Variants in PCBP4 observed in about 807,000 individuals in gnomAD.
PCBP4 encodes poly(rC) binding protein 4, also known as poly(rC)-binding protein 4.
PCBP4 carries 24 observed loss-of-function variants against 46.2 expected under a neutral mutation model. That is an observed-to-expected ratio of 0.52 (90% CI 0.38 to 0.73). PCBP4 has a LOEUF of 0.73. Ranked by LOEUF, PCBP4 falls within the 30% of genes least tolerant of loss-of-function variation. The pLI, the probability that PCBP4 is intolerant of heterozygous loss-of-function variation, is 0.00. For synonymous variants in PCBP4, 203 were observed against 224.4 expected (o/e 0.90, Z 0.85); for missense variants, 407 against 537.0 (o/e 0.76, Z 2.39).
chr3:51,963,732 T>A (rs1700285601), intron 1 of PCBP4, among the ~76,000 whole-genome samples: 1 of 152,150 alleles, frequency 6.6e-6, no homozygotes, highest in Admixed American at 6.5e-5. Context: ...CCCACCTGTA[T>A]TGTGTTTAGG....
chr3:51,959,089 G>A lies in PCBP4; in HGVS notation c.711C>T (p.Pro237=), dbSNP rs200342473. The A allele has an allele frequency of 2.9e-5, 47 of 1,613,842 alleles. No individual in the cohort carries two copies. Among genetic ancestry groups the A allele is most frequent in the Middle Eastern group, 3.3e-4 (2 of 6,058 alleles). ...ACTCCTGTGAGCTGGTCTGTGTGCCGGGATCCAGTCCTGAGGGGGAGAAGA... is the reference window on the plus strand; with the variant it reads ...ACTCCTGTGAGCTGGTCTGTGTGCCAGGATCCAGTCCTGAGGGGGAGAAGA... ...ATPSVVPGLD[P]GTQTSSQEFL... The change falls in exon 12 of 14, where the codon CCC becomes CCT. Residue 237 remains proline (P), a synonymous_variant. Coordinates refer to ENST00000461554, the MANE Select transcript of PCBP4 (RefSeq NM_001174100.2). The surrounding 1 kb of genome is among the most constrained non-coding windows in gnomAD (Gnocchi z 5.6).
In PCBP4 at chr3:51,958,668, A is replaced by G; in HGVS notation, c.923+122T>C. ...GACCATGGGGAATTGGAGTAGGGTT[A>G]GGAGAGGCAGAGGTCGGGCCCAGAC... On this transcript the variant is annotated intron_variant, in intron 13 of 13. Coordinates refer to ENST00000461554, the MANE Select transcript of PCBP4 (RefSeq NM_001174100.2). The surrounding 1 kb of genome is among the most constrained non-coding windows in gnomAD (Gnocchi z 5.4). 9.1e-7 allele frequency: 1 copy of G among 1,096,160 alleles called. No homozygotes were observed. Among genetic ancestry groups the G allele is most frequent in the Non-Finnish European group, 1.3e-6 (1 of 772,930 alleles). The allele number at this position is 1,096,160 out of a possible 1,614,324, so 67.9% of individuals were successfully genotyped here. A position where few individuals can be genotyped will look rare whatever the true frequency, so the allele number is the denominator to read the frequency against.
Position 51,959,094 on chromosome 3 carries a change from C to A in PCBP4, c.706G>T (p.Asp236Tyr). The change falls in exon 12 of 14, where the codon GAT becomes TAT. Residue 236 changes from aspartate to tyrosine, a missense_variant. Asp to Tyr is a radical substitution (Grantham distance 160). Transcript: ENST00000461554. This position sits in a 1 kb window ranked among gnomAD's most constrained non-coding sequence, Gnocchi z 5.6. Reference sequence around the variant, plus strand: ...TGTGAGCTGGTCTGTGTGCCGGGATCCAGTCCTGAGGGGGAGAAGAGGGAC... The same window carrying A: ...TGTGAGCTGGTCTGTGTGCCGGGATACAGTCCTGAGGGGGAGAAGAGGGAC... ...FATPSVVPGL[D>Y]PGTQTSSQEF... The A allele has an allele frequency of 6.2e-7, 1 of 1,613,864 alleles. No individual in the cohort carries two copies. The highest frequency in any genetic ancestry group is 8.5e-7 in the Non-Finnish European group (1 of 1,179,950).
intron 1 of PCBP4, among the ~76,000 whole-genome samples, chr3:51,966,119 C>T (rs377710155): frequency 8.5e-5 from 13 of 152,328 alleles, no homozygotes; most frequent in Middle Eastern, 3.4e-3. Context: ...AAGATGTCAG[C>T]GCCACTGGGC....
In PCBP4 at chr3:51,960,290, T is replaced by C. The variant is rs150362720; in HGVS notation, c.286A>G (p.Asn96Asp). ...DLCAAPANGG[N>D]VSRPPVTLRL... ...AGGGTCACTGGAGGCCTGGAGACAT[T>C]TCCACCATTTGCAGGAGCAGCACAA... Residue 96 changes from asparagine to aspartate, a missense_variant, in exon 7 of 14, where the codon AAT becomes GAT. Transcript: ENST00000461554. This position sits in a 1 kb window ranked among gnomAD's most constrained non-coding sequence, Gnocchi z 5.0. 22 of 1,613,866 alleles carry C rather than the reference T, an allele frequency of 1.4e-5. No individual in the cohort carries two copies. In the African/African-American group the frequency reaches 2.8e-4, roughly 21 times the overall value.
intron 1 of PCBP4, among the ~76,000 whole-genome samples, chr3:51,964,126 TC>T (rs1190244857): frequency 6.6e-6 from 1 of 152,130 alleles, no homozygotes; most frequent in Non-Finnish European, 1.5e-5. Flanking sequence ...CCCTCCTGAC[TC>T]CCAGGCCCCC....
In PCBP4 at chr3:51,961,187, G is replaced by A; in HGVS notation, c.54C>T (p.Leu18=). ...LEEEPELSIT[L]TLRMLMHGKE... ...TCCCGTGCATCAGCATCCGCAGCGT[G>A]AGGGTGATGCTGAGCTCTGGCTCCT... The change falls in exon 3 of 14, where the codon CTC becomes CTT. Residue 18 remains leucine (L), a synonymous_variant. Transcript: ENST00000461554. The A allele has an allele frequency of 3.7e-6, 6 of 1,613,588 alleles. No individual in the cohort carries two copies. The highest frequency in any genetic ancestry group is 5.1e-6 in the Non-Finnish European group (6 of 1,180,026).
chr3:51,959,455 C>A lies in PCBP4; in HGVS notation c.592-44G>T. 1.3e-6 allele frequency: 2 copies of A among 1,564,314 alleles called. No individual in the cohort carries two copies. Among genetic ancestry groups the A allele is most frequent in the South Asian group, 2.4e-5 (2 of 83,902 alleles). On this transcript the variant is annotated intron_variant, in intron 9 of 13. Coordinates refer to ENST00000461554, the MANE Select transcript of PCBP4 (RefSeq NM_001174100.2). The surrounding 1 kb of genome is among the most constrained non-coding windows in gnomAD (Gnocchi z 5.6). ...TGAAAAGGGGGTTACTGTGACATTG[C>A]AGTTCAGCCAGAGTCACTCCTTCCC...
At position 51,959,108 on chromosome 3, in the gene PCBP4, G is replaced by C. The variant is rs1472520051; in HGVS notation, c.701-9C>G. The C allele has an allele frequency of 1.9e-6, 3 of 1,613,848 alleles. No individual in the cohort carries two copies. Among genetic ancestry groups the C allele is most frequent in the Non-Finnish European group, 2.5e-6 (3 of 1,179,880 alleles). The stretch of plus-strand genomic sequence containing the variant: ...TGTGCCGGGATCCAGTCCTGAGGGG[G>C]AGAAGAGGGACTGAGTGTGGTTCTG... On this transcript the variant is annotated splice_polypyrimidine_tract_variant and intron_variant, in intron 11 of 13. Transcript: ENST00000461554. This position sits in a 1 kb window ranked among gnomAD's most constrained non-coding sequence, Gnocchi z 5.6.
chr3:51,958,911 G>T lies in PCBP4; in HGVS notation c.802C>A (p.Arg268=). The T allele has an allele frequency of 1.2e-6, 2 of 1,613,928 alleles. No individual in the cohort carries two copies. The highest frequency in any genetic ancestry group is 2.2e-5 in the East Asian group (1 of 44,864). The change falls in exon 13 of 14, where the codon CGG becomes AGG. Residue 268 remains arginine (R), a synonymous_variant. Transcript: ENST00000461554. This position sits in a 1 kb window ranked among gnomAD's most constrained non-coding sequence, Gnocchi z 5.4. ...GRQGSKISEI[R]QMSGAHIKIG... is the part of the protein sequence containing the mutation. ...TTGATATGTGCCCCTGACATCTGCC[G>T]GATCTCGCTGATCTTGCTGCCCTGG...
Position 51,960,151 on chromosome 3 carries a change from C to G in PCBP4, c.387+38G>C. On this transcript the variant is annotated intron_variant, in intron 7 of 13. Coordinates refer to ENST00000461554, the MANE Select transcript of PCBP4 (RefSeq NM_001174100.2). The surrounding 1 kb of genome is among the most constrained non-coding windows in gnomAD (Gnocchi z 5.0). ...CACCCCTCTTACAACTGCTCCCTTG[C>G]CCCGGATTCCCTGTGGGTGGTATAT... The G allele has an allele frequency of 6.2e-7, 1 of 1,614,150 alleles. No individual in the cohort carries two copies. The highest frequency in any genetic ancestry group is 1.1e-5 in the South Asian group (1 of 91,092).
Position 51,958,421 on chromosome 3 carries a change from G to A in PCBP4, c.924-72C>T. 9.4e-7 allele frequency: 1 copy of A among 1,059,318 alleles called. No homozygotes were observed. Among genetic ancestry groups the A allele is most frequent in the Middle Eastern group, 2.1e-4 (1 of 4,686 alleles). The allele number at this position is 1,059,318 out of a possible 1,614,324, so 65.6% of individuals were successfully genotyped here. On this transcript the variant is annotated intron_variant, in intron 13 of 13. Coordinates refer to ENST00000461554, the MANE Select transcript of PCBP4 (RefSeq NM_001174100.2). This position sits in a 1 kb window ranked among gnomAD's most constrained non-coding sequence, Gnocchi z 5.4. ...AGAGAGGGGCAATGAGGGCAGAGAT[G>A]GGCATGAGATTAGATGAAAGGCAAG...
intron 1 of PCBP4, among the ~76,000 whole-genome samples, chr3:51,966,678 G>A (rs1289701808): frequency 6.6e-6 from 1 of 152,084 alleles, no homozygotes; most frequent in Non-Finnish European, 1.5e-5. Context: ...GGGGCCGGGT[G>A]GGGCACTGGG....
chr3:51,961,546 C>G (rs897903443), intron 2 of PCBP4: 12 of 499,260 alleles, frequency 2.4e-5, no homozygotes, highest in Non-Finnish European at 4.1e-5. Flanking sequence ...GATACAAATT[C>G]CCATCTCCAA....
chr3:51,959,850 C>T lies in PCBP4; in HGVS notation c.516+45G>A, dbSNP rs370485266. ...TTTGGGGTCCCCGACAAGGCAGACC[C>T]AGGGCCCATCTCCTGCCCCCTCTCT... On this transcript the variant is annotated intron_variant, in intron 8 of 13. Coordinates refer to ENST00000461554, the MANE Select transcript of PCBP4 (RefSeq NM_001174100.2). This position sits in a 1 kb window ranked among gnomAD's most constrained non-coding sequence, Gnocchi z 5.6. The T allele has an allele frequency of 6.4e-7, 1 of 1,558,504 alleles. No individual in the cohort carries two copies. The highest frequency in any genetic ancestry group is 2.2e-5 in the East Asian group (1 of 44,540).
Position 51,957,855 on chromosome 3 carries a change from G to A in PCBP4, c.*206C>T. 2.2e-6 allele frequency: 1 copy of A among 456,352 alleles called. No homozygotes were observed. The highest frequency in any genetic ancestry group is 4.4e-5 in the South Asian group (1 of 22,498). The allele number at this position is 456,352 out of a possible 1,614,324, so 28.3% of individuals were successfully genotyped here. On this transcript the variant is annotated 3_prime_UTR_variant, in exon 14 of 14. Coordinates refer to ENST00000461554, the MANE Select transcript of PCBP4 (RefSeq NM_001174100.2). ...AGGTAGGGCCCCCTGCCCTGGGGCTGCCGCAGCTCAGACCCCTGGGCCAGA... is the reference window on the plus strand; with the variant it reads ...AGGTAGGGCCCCCTGCCCTGGGGCTACCGCAGCTCAGACCCCTGGGCCAGA...
rs1363868191 is a variant in PCBP4 at position 51,958,302 on chromosome 3, G to A, written c.971C>T (p.Pro324Leu). 9 of 1,542,566 alleles carry A rather than the reference G, an allele frequency of 5.8e-6. No homozygotes were observed. Among genetic ancestry groups the A allele is most frequent in the Admixed American group, 2.1e-5 (1 of 47,802 alleles). The change falls in exon 14 of 14, where the codon CCC becomes CTC. Residue 324 changes from proline (P) to leucine (L), a missense_variant. Physicochemically the swap from Pro to Leu is moderately conservative, Grantham distance 98. Coordinates refer to ENST00000461554, the MANE Select transcript of PCBP4 (RefSeq NM_001174100.2). The surrounding 1 kb of genome is among the most constrained non-coding windows in gnomAD (Gnocchi z 5.4). ...STSGGTPSSAPADLPAPFSPP... is the reference protein window; with the variant it reads ...STSGGTPSSALADLPAPFSPP... Reference sequence around the variant, plus strand: ...CGAGAAGGGGGCAGGCAGGTCTGCGGGGGCCGAGCTGGGCGTCCCCCCAGA... The same window carrying A: ...CGAGAAGGGGGCAGGCAGGTCTGCGAGGGCCGAGCTGGGCGTCCCCCCAGA...
rs958937001 is a variant in PCBP4 at position 51,957,945 on chromosome 3, C to T, written c.*116G>A. On this transcript the variant is annotated 3_prime_UTR_variant, in exon 14 of 14. Transcript: ENST00000461554. ...AGGCAGGGTAGGGGGTGCATCCATG[C>T]GTCTGGGCGTTAGCGGCGTTTGGGA... 8.6e-6 allele frequency: 8 copies of T among 928,726 alleles called. No individual in the cohort carries two copies. The highest frequency in any genetic ancestry group is 1.3e-5 in the Non-Finnish European group (8 of 620,022). 57.5% of individuals were successfully genotyped at this position (928,726 alleles called of 1,614,324 possible). A position where few individuals can be genotyped will look rare whatever the true frequency, so the allele number is the denominator to read the frequency against.
At chr3:51,964,481 G>T (rs996019490) in intron 1 of PCBP4, among the ~76,000 whole-genome samples, 2 of 152,264 alleles carry the variant, frequency 1.3e-5, no homozygotes, top group African/African-American at 4.8e-5. Flanking sequence ...AGGGCCTGTG[G>T]ACCCACCTGG....
Sources: gnomAD v4.1 joint callset for allele counts (sites outside exome capture counted in the v4.1 genomes callset) on GRCh38, gnomAD v4.1.1 for gene constraint, Gnocchi (gnomAD v3.1) non-coding constraint, MANE v1.5 for transcripts, NCBI Gene and HGNC (gene_info 2026-07-23, HGNC 2026-07-21) for gene names.